Variants in ARSB observed in about 807,000 individuals in gnomAD.
ARSB encodes arylsulfatase B, also known as N-acetylgalactosamine-4-sulfatase.
A neutral mutation model predicts 50.9 loss-of-function variants in ARSB; 41 were observed. That is an observed-to-expected ratio of 0.81 (90% confidence interval 0.63 to 1.04). The LOEUF (loss-of-function observed/expected upper bound fraction) is 1.04. ARSB is among the 50% of genes least tolerant of loss of function. ARSB has a pLI of 0.00. For missense variants in ARSB, 672 were observed against 693.3 expected (o/e 0.97, Z 0.35); for synonymous variants, 269 against 284.8 (o/e 0.94, Z 0.56).
At chr5:78,968,136 G>A (rs780627761) in intron 2 of ARSB, among the ~76,000 whole-genome samples, 1 of 150,910 alleles carries the variant, frequency 6.6e-6, no homozygotes, top group Non-Finnish European at 1.5e-5. Context: ...ATTTTCCTTT[G>A]TTTTTTAAAA....
Position 78,792,455 on chromosome 5 carries a change from G to A in ARSB, c.1214-10481C>T, listed in dbSNP as rs1165057048. Among the ~76,000 whole-genome samples, 7 of 151,732 alleles carry A rather than the reference G, an allele frequency of 4.6e-5. No homozygotes were observed. The East Asian group carries it at 7.7e-4, about 17-fold the overall frequency. ...GCCCGTGGGCCATGGGTTTGAATAA[G>A]CTTGCCCTATGCCATCACTCTAGTT... On this transcript the variant is annotated intron_variant, in intron 6 of 7. Transcript: ENST00000264914.
chr5:78,917,855 G>C (rs1325589463), intron 4 of ARSB, among the ~76,000 whole-genome samples: 2 of 152,156 alleles, frequency 1.3e-5, no homozygotes, highest in East Asian at 3.8e-4. Flanking sequence ...ACAGGTTCAA[G>C]GGGGAATCAA....
intron 6 of ARSB, among the ~76,000 whole-genome samples, chr5:78,807,910 G>C (rs12515765): frequency 6.6e-6 from 1 of 151,128 alleles, no homozygotes; most frequent in African/African-American, 2.4e-5. Flanking sequence ...CGGCTAAAAC[G>C]GTGAAACCCC....
chr5:78,841,118 C>T (rs1017895090), intron 5 of ARSB, among the ~76,000 whole-genome samples: 2 of 128,724 alleles, frequency 1.6e-5, no homozygotes, highest in African/African-American at 6.0e-5. Flanking sequence ...AGGCAACATA[C>T]TGAGACCTGG....
At chr5:78,815,474 A>G (rs1329599926) in intron 6 of ARSB, 6 of 926,644 alleles carry the variant, frequency 6.5e-6, no homozygotes, top group Non-Finnish European at 7.7e-6. Flanking sequence ...GACTTGGCAA[A>G]TGGAGGACAG....
Position 78,853,340 on chromosome 5 carries a change from G to C in ARSB, c.1143-13914C>G, listed in dbSNP as rs564106770. Among the ~76,000 whole-genome samples the C allele has an allele frequency of 2.2e-4, 33 of 152,324 alleles. No individual in the cohort carries two copies. The South Asian group carries it at 6.6e-3, about 31-fold the overall frequency. On this transcript the variant is annotated intron_variant, in intron 5 of 7. Transcript: ENST00000264914. ...GGTCCACTCCAGACCCTGTTTGCCTGGGTATCAGCAGCGGTGGCTGCAGAA... is the reference window on the plus strand; with the variant it reads ...GGTCCACTCCAGACCCTGTTTGCCTCGGTATCAGCAGCGGTGGCTGCAGAA...
Position 78,781,956 on chromosome 5 carries a change from G to A in ARSB, c.1232C>T (p.Ala411Val), listed in dbSNP as rs554258996. Residue 411 changes from alanine to valine, a missense_variant, in exon 7 of 8, where the codon GCT becomes GTT. By Grantham distance (64) the Ala-to-Val change is moderately conservative. Transcript: ENST00000264914. ...AAGAGAAGAGTCATCCTTTGCTGGA[G>A]CCATGCTGTTCCTGGGACCTGGGAA... The part of the protein sequence containing the change: ...DSSPCPRNSM[A>V]PAKDDSSLPE... The A allele has an allele frequency of 5.0e-6, 8 of 1,614,134 alleles. No homozygotes were observed. Among genetic ancestry groups the A allele is most frequent in the Non-Finnish European group, 6.8e-6 (8 of 1,179,964 alleles).
At chr5:78,859,788 G>A (rs971693400) in intron 5 of ARSB, among the ~76,000 whole-genome samples, 3 of 151,818 alleles carry the variant, frequency 2.0e-5, no homozygotes, top group African/African-American at 7.3e-5. Flanking sequence ...CTCTCACCCC[G>A]AATGCTGGCT....
At position 78,913,889 on chromosome 5, in the gene ARSB, A is replaced by G. The variant is rs938588619; in HGVS notation, c.899-28062T>C. Among the ~76,000 whole-genome samples, 19 of 152,134 alleles carry G rather than the reference A, an allele frequency of 1.2e-4. 1 individual carries two copies. Among genetic ancestry groups the G allele is most frequent in the Admixed American group, 1.2e-3 (19 of 15,280 alleles). The stretch of plus-strand genomic sequence containing the variant: ...TAGTGTCAGAAAAATTTTCACTATA[A>G]AAGGTTAAATATTTACCTTAGGAGT... On this transcript the variant is annotated intron_variant, in intron 4 of 7. Transcript: ENST00000264914.
At chr5:78,960,576 T>C (rs1294467111) in intron 3 of ARSB, among the ~76,000 whole-genome samples, 1 of 152,148 alleles carries the variant, frequency 6.6e-6, no homozygotes, top group Non-Finnish European at 1.5e-5. Context: ...TTTTTGTTTG[T>C]TTTTCTTGAG....
intron 5 of ARSB, among the ~76,000 whole-genome samples, chr5:78,866,958 C>T (rs904211510): frequency 1.3e-5 from 2 of 152,214 alleles, no homozygotes; most frequent in Non-Finnish European, 1.5e-5. Context: ...CCAGTGGGTG[C>T]GCACACCGTG....
chr5:78,806,339 C>A (rs964326813), intron 6 of ARSB, among the ~76,000 whole-genome samples: 5 of 152,222 alleles, frequency 3.3e-5, no homozygotes, highest in African/African-American at 9.6e-5. Context: ...TAGAGATCTT[C>A]TTCTGCATGC....
intron 5 of ARSB, among the ~76,000 whole-genome samples, chr5:78,868,133 G>A (rs895891715): frequency 1.7e-4 from 24 of 142,600 alleles, no homozygotes; most frequent in East Asian, 4.0e-4. Context: ...AAAGAAATGA[G>A]CAAAGCCTCC....
At chr5:78,906,426 G>A (rs1340455450) in intron 4 of ARSB, among the ~76,000 whole-genome samples, 1 of 152,186 alleles carries the variant, frequency 6.6e-6, no homozygotes, top group African/African-American at 2.4e-5. Context: ...TTAGAAGTAG[G>A]AGGTTTCTCT....
At chr5:78,853,107 C>A (rs577826790) in intron 5 of ARSB, among the ~76,000 whole-genome samples, 1 of 152,222 alleles carries the variant, frequency 6.6e-6, no homozygotes, top group South Asian at 2.1e-4. Flanking sequence ...TGTGGAACTG[C>A]GTTCCTTTGG....
intron 4 of ARSB, among the ~76,000 whole-genome samples, chr5:78,908,132 G>A (rs186481607): frequency 6.6e-6 from 1 of 152,248 alleles, no homozygotes; most frequent in East Asian, 1.9e-4. Context: ...TGAGGTGTGC[G>A]CAGATGCAAC....
chr5:78,875,636 T>G (rs2112172000), intron 5 of ARSB, among the ~76,000 whole-genome samples: 1 of 151,860 alleles, frequency 6.6e-6, no homozygotes, highest in African/African-American at 2.4e-5. Flanking sequence ...AATAAATACA[T>G]TCTTTCATTT....
At chr5:78,867,123 G>A (rs1465260158) in intron 5 of ARSB, among the ~76,000 whole-genome samples, 2 of 152,138 alleles carry the variant, frequency 1.3e-5, no homozygotes, top group Non-Finnish European at 2.9e-5. Context: ...CTTAAAAAAC[G>A]GCGTACCACG....
At chr5:78,810,339 T>C (rs1440360507) in intron 6 of ARSB, among the ~76,000 whole-genome samples, 1 of 152,108 alleles carries the variant, frequency 6.6e-6, no homozygotes, top group Non-Finnish European at 1.5e-5. Flanking sequence ...GAGAACTGAG[T>C]TGTGAAATGA....
Sources: gnomAD v4.1 joint callset for allele counts (sites outside exome capture counted in the v4.1 genomes callset) on GRCh38, gnomAD v4.1.1 for gene constraint, MANE v1.5 for transcripts, NCBI Gene and HGNC (gene_info 2026-07-23, HGNC 2026-07-21) for gene names.